The following KIF13B variants were observed in gnomAD, a reference collection of about 807,000 sequenced individuals.
KIF13B encodes kinesin-like protein KIF13B.
In KIF13B, 127 loss-of-function variants were observed where a neutral mutation model predicts 222.0. That is an observed-to-expected ratio of 0.57 (90% CI 0.50 to 0.66). The LOEUF is 0.66. Among genes scored for constraint, KIF13B ranks in the 30% least tolerant of loss-of-function variants. KIF13B has a pLI of 0.00. For synonymous variants in KIF13B, 976 were observed against 919.0 expected (o/e 1.06, Z -1.12); for missense variants, 2,173 against 2,379.0 (o/e 0.91, Z 1.80).
chr8:29,195,931 T>C (rs1250986748), intron 3 of KIF13B, among the ~76,000 whole-genome samples: 1 of 152,248 alleles, frequency 6.6e-6, no homozygotes, highest in South Asian at 2.1e-4. Flanking sequence ...AGCCAATCTA[T>C]GGCACAAAAG....
At chr8:29,250,861 G>C (rs1263173977) in intron 1 of KIF13B, among the ~76,000 whole-genome samples, 2 of 152,192 alleles carry the variant, frequency 1.3e-5, no homozygotes, top group African/African-American at 4.8e-5. Context: ...AATGTTACTA[G>C]TTGAATTAAA....
At chr8:29,260,338 T>G (rs531890930) in intron 1 of KIF13B, among the ~76,000 whole-genome samples, 1 of 152,222 alleles carries the variant, frequency 6.6e-6, no homozygotes, top group South Asian at 2.1e-4. Context: ...CTAATGTGAT[T>G]CCAAATATCA....
chr8:29,262,624 C>G (rs542792254), intron 1 of KIF13B, among the ~76,000 whole-genome samples: 3 of 151,614 alleles, frequency 2.0e-5, no homozygotes, highest in African/African-American at 7.2e-5. Flanking sequence ...AGGAGCGAGG[C>G]TGAGGGGCCA....
At position 29,140,595 on chromosome 8, in the gene KIF13B, C is replaced by A; in HGVS notation, c.2357G>T (p.Arg786Leu). 1.2e-6 allele frequency: 2 copies of A among 1,613,348 alleles called. No individual in the cohort carries two copies. Among genetic ancestry groups the A allele is most frequent in the Non-Finnish European group, 1.7e-6 (2 of 1,179,642 alleles). The change falls in exon 20 of 40, where the codon CGT becomes CTT. Residue 786 changes from arginine to leucine, a missense_variant. By Grantham distance (102) the Arg-to-Leu change is moderately radical (BLOSUM62 -2). Transcript: ENST00000524189. ...CTGCTCATCATAGAATGGATCAGCA[C>A]GTTTGAAGTATGATCGTATTACCTG... ...DNPVIRSYFK[R>L]ADPFYDEQEN... is the part of the protein sequence containing the mutation.
In KIF13B at chr8:29,115,600, A is replaced by G. The variant is rs899582964; in HGVS notation, c.3837+1231T>C. On this transcript the variant is annotated intron_variant, in intron 31 of 39. Coordinates refer to ENST00000524189, the MANE Select transcript of KIF13B (RefSeq NM_015254.4). Reference sequence around the variant, plus strand: ...CTCGGCCTCCCAAAGTGTTGGGATTACAGGCATAAGCCACCACACCTGGCC... The same window carrying G: ...CTCGGCCTCCCAAAGTGTTGGGATTGCAGGCATAAGCCACCACACCTGGCC... 2.6e-5 allele frequency among the ~76,000 whole-genome samples: 4 copies of G among 152,272 alleles called. 1 individual carries two copies. In the East Asian group the frequency reaches 5.8e-4, roughly 22 times the overall value.
intron 37 of KIF13B, among the ~76,000 whole-genome samples, chr8:29,082,213 A>T (rs907471323): frequency 6.6e-6 from 1 of 152,208 alleles, no homozygotes; most frequent in Admixed American, 6.5e-5. Context: ...TACACAAAAC[A>T]ATTAAAAGGC....
chr8:29,215,565 G>A (rs961515163), intron 2 of KIF13B, among the ~76,000 whole-genome samples: 5 of 152,094 alleles, frequency 3.3e-5, no homozygotes, highest in Admixed American at 6.6e-5. Flanking sequence ...GATGGCATGC[G>A]TCTGTTGTCC....
Position 29,122,639 on chromosome 8 carries a change from C to T in KIF13B, c.3487G>A (p.Val1163Ile). ...GGAATGTGTGTCTCCATCCCAGGTA[C>T]TGGGGTCCTAAAACGGGAAGAACAA... Reference protein sequence around the residue: ...IPGAPAEWTPVPGMETHIPVI... With the variant: ...IPGAPAEWTPIPGMETHIPVI... Residue 1163 changes from valine (V) to isoleucine (I), a missense_variant, in exon 29 of 40, where the codon GTA (valine) becomes ATA (isoleucine). Coordinates refer to ENST00000524189, the MANE Select transcript of KIF13B (RefSeq NM_015254.4). 6.2e-7 allele frequency: 1 copy of T among 1,608,216 alleles called. No homozygotes were observed. The highest frequency in any genetic ancestry group is 8.5e-7 in the Non-Finnish European group (1 of 1,177,186).
intron 28 of KIF13B, among the ~76,000 whole-genome samples, 193 bp from the exon 29 acceptor site, chr8:29,122,839 T>C (rs555956661): frequency 6.6e-6 from 1 of 152,368 alleles, no homozygotes; most frequent in Non-Finnish European, 1.5e-5. Context: ...TACCCTGACA[T>C]TTGAACTTAG....
At chr8:29,149,190 T>C (rs7006739) in intron 15 of KIF13B, among the ~76,000 whole-genome samples, 26 of 151,984 alleles carry the variant, frequency 1.7e-4, no homozygotes, top group Non-Finnish European at 2.9e-4. Context: ...AAAATTTGTA[T>C]AGCACACTAG....
intron 24 of KIF13B, among the ~76,000 whole-genome samples, chr8:29,128,925 G>A (rs1356592234): frequency 6.6e-6 from 1 of 152,122 alleles, no homozygotes; most frequent in Non-Finnish European, 1.5e-5. Context: ...TAGCATTCAA[G>A]GCCCTCCGAA....
chr8:29,245,227 A>G, intron 2 of KIF13B, 119 bp downstream of exon 2: 2 of 705,656 alleles, frequency 2.8e-6, no homozygotes, highest in South Asian at 1.6e-5. Context: ...CACAGAAGAC[A>G]GCAATATGTC....
At chr8:29,105,059 C>T (rs186116422) in intron 35 of KIF13B, among the ~76,000 whole-genome samples, 48 of 152,066 alleles carry the variant, frequency 3.2e-4, no homozygotes, top group African/African-American at 1.0e-3. Context: ...CTCAAACTCC[C>T]GGGCTCAAGT....
At chr8:29,248,152 G>C (rs188302945) in intron 1 of KIF13B, among the ~76,000 whole-genome samples, 1 of 152,096 alleles carries the variant, frequency 6.6e-6, no homozygotes, top group African/African-American at 2.4e-5. Flanking sequence ...TCCTCAAAAA[G>C]TTAAACAGCG....
At chr8:29,134,540 C>T (rs1810477433) in intron 21 of KIF13B, among the ~76,000 whole-genome samples, 1 of 152,182 alleles carries the variant, frequency 6.6e-6, no homozygotes, top group African/African-American at 2.4e-5. Flanking sequence ...AACATCAGCA[C>T]TCTTCAATGA....
intron 37 of KIF13B, among the ~76,000 whole-genome samples, chr8:29,088,325 ATTC>A (rs1391382187): frequency 1.3e-5 from 2 of 152,202 alleles, no homozygotes; most frequent in Non-Finnish European, 2.9e-5. Context: ...AATGATGGTT[ATTC>A]TTTTTTCAAG....
chr8:29,077,323 A>G (rs1469700115), intron 37 of KIF13B, among the ~76,000 whole-genome samples: 1 of 152,196 alleles, frequency 6.6e-6, no homozygotes, highest in Non-Finnish European at 1.5e-5. Context: ...CCAGAGAAGA[A>G]AGTGAGGCTC....
chr8:29,182,070 C>A (rs2038306451), intron 6 of KIF13B, 64 bp from the exon 7 acceptor site: 1 of 1,223,072 alleles, frequency 8.2e-7, no homozygotes, highest in South Asian at 1.3e-5. Flanking sequence ...GGACTCAGCT[C>A]TGCTCCATAA....
chr8:29,123,307 T>G, intron 28 of KIF13B, 59 bp downstream of exon 28: 1 of 1,590,606 alleles, frequency 6.3e-7, no homozygotes, highest in Non-Finnish European at 8.6e-7. Flanking sequence ...AAATTCAAGC[T>G]AAAAGCAAGT....
Sources: gnomAD v4.1 joint callset for allele counts (sites outside exome capture counted in the v4.1 genomes callset) on GRCh38, gnomAD v4.1.1 for gene constraint, MANE v1.5 for transcripts, NCBI Gene and HGNC (gene_info 2026-07-23, HGNC 2026-07-21) for gene names.